Variants in EEFSEC observed in about 807,000 individuals in gnomAD.
The protein encoded by EEFSEC is selenocysteine-specific elongation factor.
Under a neutral mutation model 42.1 loss-of-function variants are expected in EEFSEC, and 43 were observed. That is an observed-to-expected ratio of 1.02 (90% CI 0.80 to 1.32). The LOEUF is 1.32. Among genes scored for constraint, EEFSEC ranks in the 40% most tolerant of loss-of-function variants. EEFSEC has a pLI of 0.00. For missense variants in EEFSEC, 745 were observed against 803.6 expected, an observed-to-expected ratio of 0.93 and a Z score of 0.88; for synonymous variants, 354 against 339.1, an observed-to-expected ratio of 1.04 and a Z score of -0.48.
chr3:128,160,825 C>T (rs888124716), intron 1 of EEFSEC, among the ~76,000 whole-genome samples: 3 of 152,090 alleles, frequency 2.0e-5, no homozygotes, highest in East Asian at 1.9e-4. Context: ...CACACACACA[C>T]GAATCCTATC....
intron 4 of EEFSEC, among the ~76,000 whole-genome samples, chr3:128,313,248 G>C (rs1165632985): frequency 6.6e-6 from 1 of 152,228 alleles, no homozygotes; most frequent in South Asian, 2.1e-4. Context: ...ATCCAATTGG[G>C]GGAGTCCAGG....
intron 4 of EEFSEC, among the ~76,000 whole-genome samples, chr3:128,316,940 G>A (rs991018300): frequency 1.3e-5 from 2 of 152,148 alleles, no homozygotes; most frequent in African/African-American, 4.8e-5. Flanking sequence ...TTAATATATG[G>A]CACCACTATT....
intron 4 of EEFSEC, among the ~76,000 whole-genome samples, chr3:128,273,216 G>A (rs2066432696): frequency 6.6e-6 from 1 of 152,182 alleles, no homozygotes; most frequent in African/African-American, 2.4e-5. Flanking sequence ...GACCCCAAGA[G>A]CCTCTGTGAG....
intron 4 of EEFSEC, among the ~76,000 whole-genome samples, chr3:128,305,085 C>T (rs1230802303): frequency 6.6e-6 from 1 of 152,090 alleles, no homozygotes; most frequent in African/African-American, 2.4e-5. Context: ...TTTATCTTTT[C>T]TCTCATCATA....
chr3:128,196,758 CGAT>C (rs1325050626), intron 1 of EEFSEC, among the ~76,000 whole-genome samples: 6 of 152,128 alleles, frequency 3.9e-5, no homozygotes, highest in Non-Finnish European at 8.8e-5. Context: ...TACTGGCACT[CGAT>C]GGCCTCTGGA....
intron 1 of EEFSEC, 129 bp downstream of exon 1, chr3:128,153,952 C>G: frequency 7.5e-7 from 1 of 1,327,370 alleles, no homozygotes; most frequent in Non-Finnish European, 9.8e-7. Flanking sequence ...GCTCCTGACG[C>G]CCCAAGAGGC....
At chr3:128,273,400 G>A (rs1193553489) in intron 4 of EEFSEC, among the ~76,000 whole-genome samples, 14 of 150,866 alleles carry the variant, frequency 9.3e-5, no homozygotes, top group Non-Finnish European at 2.9e-5. Context: ...AGGTGCTGTT[G>A]TCAGAGATCA....
chr3:128,330,750 C>T (rs925228882), intron 4 of EEFSEC, among the ~76,000 whole-genome samples: 2 of 148,636 alleles, frequency 1.3e-5, no homozygotes, highest in Admixed American at 6.7e-5. Context: ...CCCTCTTCCC[C>T]GCTTCCTCAG....
At chr3:128,322,173 T>G (rs1468986850) in intron 4 of EEFSEC, among the ~76,000 whole-genome samples, 1 of 152,340 alleles carries the variant, frequency 6.6e-6, no homozygotes, top group East Asian at 1.9e-4. Context: ...GGAAGGAGCT[T>G]GCATTTGTCT....
chr3:128,255,942 G>A (rs2066237738), intron 2 of EEFSEC, among the ~76,000 whole-genome samples: 2 of 152,058 alleles, frequency 1.3e-5, no homozygotes, highest in African/African-American at 4.8e-5. Context: ...GCCTCTTCTT[G>A]GGCTGGATCC....
rs116212458 is a variant in EEFSEC, at chr3:128,408,463, C to G, written c.*204C>G. On this transcript the variant is annotated 3_prime_UTR_variant, in exon 7 of 7. Coordinates refer to ENST00000254730, the MANE Select transcript of EEFSEC (RefSeq NM_021937.5). ...GGCCAGGAGGGTCTCTCCTCCAGCC[C>G]CTGCACACTCCCACCCAGGACAGCC... The G allele has an allele frequency of 0.017, 8,324 of 498,924 alleles. 579 individuals are homozygous for G. The highest frequency in any genetic ancestry group is 0.15 in the African/African-American group (7,427 of 50,184). 30.9% of individuals were successfully genotyped at this position (498,924 alleles called of 1,614,324 possible).
chr3:128,216,545 G>A (rs1417619101), intron 1 of EEFSEC, among the ~76,000 whole-genome samples: 2 of 152,134 alleles, frequency 1.3e-5, no homozygotes, highest in African/African-American at 2.4e-5. Flanking sequence ...CCTCAGCCAC[G>A]TTACCTGCCC....
intron 1 of EEFSEC, among the ~76,000 whole-genome samples, chr3:128,166,672 T>G (rs1300881645): frequency 6.6e-6 from 1 of 151,998 alleles, no homozygotes; most frequent in Non-Finnish European, 1.5e-5. Context: ...CCTCTCAGCT[T>G]CTTCACCTTC....
chr3:128,236,186 G>C (rs865852826), intron 1 of EEFSEC, among the ~76,000 whole-genome samples: 47 of 152,324 alleles, frequency 3.1e-4, no homozygotes, highest in African/African-American at 7.2e-5. Context: ...CATCGGCCAG[G>C]CTGGCCTCAA....
In EEFSEC at chr3:128,377,391, C is replaced by G. The variant is rs1408077794; in HGVS notation, c.1600+19018C>G. Among the ~76,000 whole-genome samples, 6 of 152,324 alleles carry G rather than the reference C, an allele frequency of 3.9e-5. No homozygotes were observed. In the East Asian group the frequency reaches 9.6e-4, roughly 24 times the overall value. ...GCACCATTACTTACCAGGTCTACAACCTAGATAACCAAGCAGGCCTCGCTG... is the reference window on the plus strand; with the variant it reads ...GCACCATTACTTACCAGGTCTACAAGCTAGATAACCAAGCAGGCCTCGCTG... On this transcript the variant is annotated intron_variant, in intron 6 of 6. Coordinates refer to ENST00000254730, the MANE Select transcript of EEFSEC (RefSeq NM_021937.5).
At position 128,153,594 on chromosome 3, in the gene EEFSEC, C is replaced by G. The variant is rs747332923; in HGVS notation, c.87C>G (p.Thr29=). 7 of 1,586,304 alleles carry G rather than the reference C, an allele frequency of 4.4e-6. No homozygotes were observed. The highest frequency in any genetic ancestry group is 6.0e-6 in the Non-Finnish European group (7 of 1,172,730). ...CGGCGCTGGCGCGGGCGCTAAGCAC[C>G]ACAGCCTCCACCGCCGCCTTTGACA... ...GKTALARALS[T]TASTAAFDKQ... The change falls in exon 1 of 7, where the codon ACC becomes ACG. Residue 29 remains threonine, a synonymous_variant. Transcript: ENST00000254730.
At chr3:128,183,686 C>T (rs1252439039) in intron 1 of EEFSEC, among the ~76,000 whole-genome samples, 2 of 152,232 alleles carry the variant, frequency 1.3e-5, no homozygotes, top group African/African-American at 4.8e-5. Context: ...GGGCACCCTA[C>T]ATACTAACTG....
At chr3:128,159,583 G>A (rs1944443639) in intron 1 of EEFSEC, among the ~76,000 whole-genome samples, 2 of 152,108 alleles carry the variant, frequency 1.3e-5, no homozygotes, top group South Asian at 4.2e-4. Context: ...GTGGCCCATA[G>A]GACAATGGTC....
intron 1 of EEFSEC, among the ~76,000 whole-genome samples, chr3:128,161,588 T>C (rs2065188062): frequency 6.6e-6 from 1 of 152,194 alleles, no homozygotes; most frequent in Non-Finnish European, 1.5e-5. Context: ...GTTACTCTCC[T>C]TGAAGGAGAG....
Sources: gnomAD v4.1 joint callset for allele counts (sites outside exome capture counted in the v4.1 genomes callset) on GRCh38, gnomAD v4.1.1 for gene constraint, MANE v1.5 for transcripts, NCBI Gene and HGNC (gene_info 2026-07-23, HGNC 2026-07-21) for gene names.